RIPOR2: variants seen among roughly 807,000 people sequenced by gnomAD.
RIPOR2 encodes the protein rho family-interacting cell polarization regulator 2.
In RIPOR2, 39 loss-of-function variants were observed where a neutral mutation model predicts 114.5. The observed-to-expected ratio is 0.34, with a 90% confidence interval of 0.26 to 0.44. RIPOR2 has a LOEUF of 0.44. Among genes scored for constraint, RIPOR2 ranks in the 20% least tolerant of loss-of-function variants. The pLI is 1.00. For missense variants in RIPOR2, 1,007 were observed against 1,255.1 expected (o/e 0.80, Z 2.99); for synonymous variants, 445 against 484.4 (o/e 0.92, Z 1.07).
At chr6:24,893,660 C>G (rs1767577400) in intron 1 of RIPOR2, among the ~76,000 whole-genome samples, 1 of 152,176 alleles carries the variant, frequency 6.6e-6, no homozygotes, top group African/African-American at 2.4e-5. Context: ...CCAGATCTAC[C>G]TAATTTTCCA....
chr6:24,954,727 T>C (rs1437283813), intron 1 of RIPOR2, among the ~76,000 whole-genome samples: 1 of 152,070 alleles, frequency 6.6e-6, no homozygotes, highest in Non-Finnish European at 1.5e-5. Context: ...AGATGACAGG[T>C]GTGAACCACT....
chr6:24,824,660 T>G (rs1759997161), intron 19 of RIPOR2, among the ~76,000 whole-genome samples: 1 of 152,168 alleles, frequency 6.6e-6, no homozygotes, highest in Non-Finnish European at 1.5e-5. Flanking sequence ...GTGATGGCTT[T>G]TAAAATTAAA....
intron 1 of RIPOR2, among the ~76,000 whole-genome samples, chr6:24,995,311 C>G (rs557044685): frequency 6.6e-6 from 1 of 152,128 alleles, no homozygotes; most frequent in South Asian, 2.1e-4. Context: ...GCTGAAGGGG[C>G]AATGAATTGT....
At chr6:24,905,249 A>T (rs1472207831) in intron 1 of RIPOR2, among the ~76,000 whole-genome samples, 1 of 151,932 alleles carries the variant, frequency 6.6e-6, no homozygotes. Flanking sequence ...TTTTTATTTT[A>T]TATCTTTTCT....
At chr6:25,034,848 A>G (rs894631788) in intron 1 of RIPOR2, among the ~76,000 whole-genome samples, 4 of 151,864 alleles carry the variant, frequency 2.6e-5, no homozygotes, top group Non-Finnish European at 5.9e-5. Context: ...CAACCAACGG[A>G]CCTCCCTGAA....
chr6:24,831,550 C>T (rs1760693644), intron 16 of RIPOR2, among the ~76,000 whole-genome samples: 1 of 152,142 alleles, frequency 6.6e-6, no homozygotes, highest in Non-Finnish European at 1.5e-5. Context: ...GAATGTCCTG[C>T]CCCTCTTCAT....
At chr6:24,917,405 GTAT>G (rs1364757031) in intron 1 of RIPOR2, among the ~76,000 whole-genome samples, 1 of 152,200 alleles carries the variant, frequency 6.6e-6, no homozygotes, top group Admixed American at 6.5e-5. Flanking sequence ...TAATCAATAT[GTAT>G]TATTGCACAA....
chr6:24,853,055 C>T (rs1383851360), intron 8 of RIPOR2, among the ~76,000 whole-genome samples: 1 of 152,150 alleles, frequency 6.6e-6, no homozygotes, highest in Admixed American at 6.5e-5. Context: ...AGTTAAGATT[C>T]CATGCAGTTA....
intron 1 of RIPOR2, among the ~76,000 whole-genome samples, chr6:24,901,446 G>T (rs1768431331): frequency 4.6e-5 from 7 of 152,070 alleles, no homozygotes. Context: ...GATCTGGAAA[G>T]AAAAAATGAC....
intron 18 of RIPOR2, among the ~76,000 whole-genome samples, chr6:24,826,077 C>T (rs1265474152): frequency 6.6e-6 from 1 of 151,866 alleles, no homozygotes; most frequent in African/African-American, 2.4e-5. Flanking sequence ...TAGGCGCATG[C>T]CACCACGCCT....
At chr6:24,927,704 A>G (rs142854656) in intron 1 of RIPOR2, among the ~76,000 whole-genome samples, 1 of 152,156 alleles carries the variant, frequency 6.6e-6, no homozygotes, top group African/African-American at 2.4e-5. Flanking sequence ...CACTACAACC[A>G]CTACTACCAT....
At chr6:24,913,147 T>TTG (rs1185255077) in intron 1 of RIPOR2, among the ~76,000 whole-genome samples, 5 of 92,708 alleles carry the variant, frequency 5.4e-5, no homozygotes, top group Non-Finnish European at 1.1e-4. Context: ...TGGGCATGAC[T>TTG]TGAGTGTGTG....
At chr6:24,946,378 C>T (rs920084679) in intron 1 of RIPOR2, among the ~76,000 whole-genome samples, 2 of 151,972 alleles carry the variant, frequency 1.3e-5, no homozygotes, top group East Asian at 3.9e-4. Context: ...CCCTGCCAAC[C>T]GTCTCATTTT....
At chr6:24,905,083 G>A (rs79653249) in intron 1 of RIPOR2, among the ~76,000 whole-genome samples, 2,127 of 152,148 alleles carry the variant, frequency 0.014, 21 homozygotes, top group Non-Finnish European at 0.024. Flanking sequence ...CCAGTGTATA[G>A]CTTCTTGAGT....
At chr6:24,885,418 G>A (rs533657666) in intron 1 of RIPOR2, among the ~76,000 whole-genome samples, 9 of 151,992 alleles carry the variant, frequency 5.9e-5, no homozygotes, top group African/African-American at 1.9e-4. Flanking sequence ...AAGACGAGAT[G>A]TTGCTATGCT....
At chr6:24,976,533 A>G in intron 1 of RIPOR2, 2 of 1,591,186 alleles carry the variant, frequency 1.3e-6, no homozygotes, top group Non-Finnish European at 1.7e-6. Flanking sequence ...CTAATCCATA[A>G]AGCTATGTTA....
At chr6:24,806,877 A>G (rs191125595) in intron 21 of RIPOR2, among the ~76,000 whole-genome samples, 179 of 152,350 alleles carry the variant, frequency 1.2e-3, no homozygotes, top group Non-Finnish European at 1.9e-3. Flanking sequence ...ATATCGATAC[A>G]TCTAAATGAT....
intron 18 of RIPOR2, 73 bp downstream of exon 18, chr6:24,828,064 G>T: frequency 7.7e-7 from 1 of 1,294,958 alleles, no homozygotes; most frequent in Non-Finnish European, 1.0e-6. Context: ...ATTGCCAAAA[G>T]CCATGATTTA....
chr6:25,041,767 T>G, intron 1 of RIPOR2: 1 of 656,336 alleles, frequency 1.5e-6, no homozygotes, highest in Non-Finnish European at 2.8e-6. Flanking sequence ...TGGAGAAGAT[T>G]TGCAGAGGGC....
Sources: gnomAD v4.1 joint callset for allele counts (sites outside exome capture counted in the v4.1 genomes callset) on GRCh38, gnomAD v4.1.1 for gene constraint, MANE v1.5 for transcripts, NCBI Gene and HGNC (gene_info 2026-07-23, HGNC 2026-07-21) for gene names.